C2orf66: variants seen among roughly 807,000 people sequenced by gnomAD.
The protein encoded by C2orf66 is chromosome 2 open reading frame 66.
Under a neutral mutation model 7.0 loss-of-function variants are expected in C2orf66, and 6 were observed. That is an observed-to-expected ratio of 0.86 (90% CI 0.47 to 1.69). C2orf66 has a LOEUF of 1.69. Ranked by LOEUF, C2orf66 falls within the 40% of genes most tolerant of loss-of-function variation. The probability of loss-of-function intolerance (pLI) is 0.01; values close to 1 mark genes in which losing one functional copy is unlikely to be tolerated. For missense variants in C2orf66, 107 were observed against 112.0 expected (o/e 0.96, Z 0.20); for synonymous variants, 38 against 43.8 (o/e 0.87, Z 0.52).
Position 196,807,482 on chromosome 2 carries a change from T to C in C2orf66, c.264A>G (p.Glu88=). 1 of 1,612,032 alleles carries C rather than the reference T, an allele frequency of 6.2e-7. No individual in the cohort carries two copies. Among genetic ancestry groups the C allele is most frequent in the Non-Finnish European group, 8.5e-7 (1 of 1,179,498 alleles). The change falls in exon 2 of 3, where the codon GAA becomes GAG. Residue 88 remains glutamate (E), a synonymous_variant. Coordinates refer to ENST00000342506, the MANE Select transcript of C2orf66 (RefSeq NM_213608.3). ...ELTASASADY[E]EQKNSFHNYL... is the part of the protein sequence containing the mutation. The stretch of plus-strand genomic sequence containing the variant: ...AATTGTGAAAGGAGTTTTTCTGCTC[T>C]TCATAATCTGCAGATGCAGAAGCAG...
At chr2:196,821,928 CTTTTTTTTTTTTTTT>C in the C2orf66 span, among the ~76,000 whole-genome samples, 6 of 32,276 alleles carry the variant, frequency 1.9e-4, no homozygotes, top group East Asian at 1.1e-3. Flanking sequence ...AACCAGTGAG[CTTTTTTTTTTTTTTT>C]TTTTTTTTTT....
At chr2:196,821,543 T>C in the C2orf66 span, among the ~76,000 whole-genome samples, 1 of 152,318 alleles carries the variant, frequency 6.6e-6, no homozygotes, top group East Asian at 1.9e-4. Context: ...TGGATTTGGA[T>C]TGAAATATCT....
At chr2:196,829,138 C>T in the C2orf66 span, among the ~76,000 whole-genome samples, 1 of 151,952 alleles carries the variant, frequency 6.6e-6, no homozygotes, top group Non-Finnish European at 1.5e-5. Flanking sequence ...TCATCTTCAC[C>T]CCCTTTTCCA....
At chr2:196,814,819 A>G in the C2orf66 span, among the ~76,000 whole-genome samples, 1 of 152,218 alleles carries the variant, frequency 6.6e-6, no homozygotes, top group South Asian at 2.1e-4. Context: ...AGAGCTTCTT[A>G]AATTTTTAAG....
At chr2:196,808,980 A>T (rs192001557) in intron 1 of C2orf66, among the ~76,000 whole-genome samples, 89 of 152,338 alleles carry the variant, frequency 5.8e-4, no homozygotes, top group African/African-American at 1.7e-3. Context: ...TGTGTATAAG[A>T]TTGTTTCTAA....
upstream of C2orf66, among the ~76,000 whole-genome samples, chr2:196,811,092 G>T (rs528350959): frequency 6.6e-6 from 1 of 152,288 alleles, no homozygotes; most frequent in African/African-American, 2.4e-5. Context: ...GAAGACAGAG[G>T]GAGAAGTGTG....
chr2:196,804,831 C>A lies in C2orf66; in HGVS notation c.*597G>T, dbSNP rs909347997. ...TGGAGGCGTTGACAACTTCTAGAAT[C>A]CCATGTTTGTTGTTGTTGTTTGCTT... On this transcript the variant is annotated 3_prime_UTR_variant, in exon 3 of 3. Coordinates refer to ENST00000342506, the MANE Select transcript of C2orf66 (RefSeq NM_213608.3). Among the ~76,000 whole-genome samples, 1 of 152,218 alleles carries A rather than the reference C, an allele frequency of 6.6e-6. No homozygotes were observed. The highest frequency in any genetic ancestry group is 2.4e-5 in the African/African-American group (1 of 41,454).
upstream of C2orf66, chr2:196,809,736 T>TA (rs1326633583): frequency 3.6e-5 from 6 of 164,558 alleles, no homozygotes; most frequent in Middle Eastern, 3.0e-3. Flanking sequence ...CAGCAGTCTT[T>TA]AAAAAAAAGA....
chr2:196,812,431 C>G (rs1699885806), upstream of C2orf66, among the ~76,000 whole-genome samples: 1 of 152,224 alleles, frequency 6.6e-6, no homozygotes, highest in South Asian at 2.1e-4. Flanking sequence ...TGGAACGTAT[C>G]TCAAAATAAT....
At chr2:196,826,472 A>G in the C2orf66 span, among the ~76,000 whole-genome samples, 1 of 152,206 alleles carries the variant, frequency 6.6e-6, no homozygotes, top group African/African-American at 2.4e-5. Context: ...ATGGTATTCT[A>G]TAGATTTGTA....
At chr2:196,822,779 T>TTATTTTGC in the C2orf66 span, among the ~76,000 whole-genome samples, 1 of 152,222 alleles carries the variant, frequency 6.6e-6, no homozygotes, top group African/African-American at 2.4e-5. Flanking sequence ...TTCCAGTAAG[T>TTATTTTGC]TATTTTGCTC....
chr2:196,821,385 A>T, the C2orf66 span, among the ~76,000 whole-genome samples: 1 of 152,244 alleles, frequency 6.6e-6, no homozygotes, highest in Non-Finnish European at 1.5e-5. Context: ...CATCAGGCCA[A>T]TCACGGAGGA....
the C2orf66 span, among the ~76,000 whole-genome samples, chr2:196,829,708 T>C: frequency 6.0e-3 from 901 of 150,668 alleles, 7 homozygotes; most frequent in African/African-American, 0.02. Flanking sequence ...CCATCCTGGC[T>C]AACACAGTGA....
At chr2:196,826,962 C>A in the C2orf66 span, among the ~76,000 whole-genome samples, 1 of 151,924 alleles carries the variant, frequency 6.6e-6, no homozygotes. Context: ...ACCCGGTAGA[C>A]GGAGGTTGCA....
upstream of C2orf66, among the ~76,000 whole-genome samples, chr2:196,811,679 T>C (rs374728829): frequency 3.9e-5 from 6 of 152,068 alleles, no homozygotes; most frequent in African/African-American, 1.2e-4. Flanking sequence ...CCTCGTGGGG[T>C]TGGAGAGTAT....
rs777986088 is a variant in C2orf66, at chr2:196,807,571, T to C, written c.175A>G (p.Thr59Ala). Residue 59 changes from threonine to alanine, a missense_variant, in exon 2 of 3, where the codon ACA (threonine) becomes GCA (alanine). Thr to Ala is a moderately conservative substitution (Grantham distance 58, BLOSUM62 0). Transcript: ENST00000342506. ...YFKGRGLDLG[T>A]FPNPFPTNEN... ...TTCGTGGGGAAAGGATTTGGAAATGTTCCAAGATCAAGACCTCTGCCCTTA... is the reference window on the plus strand; with the variant it reads ...TTCGTGGGGAAAGGATTTGGAAATGCTCCAAGATCAAGACCTCTGCCCTTA... 1 of 1,613,868 alleles carries C rather than the reference T, an allele frequency of 6.2e-7. No individual in the cohort carries two copies.
the C2orf66 span, among the ~76,000 whole-genome samples, chr2:196,826,868 TA>T: frequency 1.3e-5 from 2 of 151,706 alleles, no homozygotes. Flanking sequence ...CCATCTCTAA[TA>T]AAAATACAAA....
At chr2:196,812,160 A>G (rs1056805016), upstream of C2orf66, among the ~76,000 whole-genome samples, 1 of 152,220 alleles carries the variant, frequency 6.6e-6, no homozygotes, top group Non-Finnish European at 1.5e-5. Context: ...TTAAATGTCA[A>G]CGGTTAGGTG....
the C2orf66 span, among the ~76,000 whole-genome samples, chr2:196,818,246 A>G: frequency 6.6e-6 from 1 of 152,144 alleles, no homozygotes; most frequent in Admixed American, 6.5e-5. Context: ...TAGGTTGGCC[A>G]TGCTTCCTCC....
Sources: gnomAD v4.1 joint callset for allele counts (sites outside exome capture counted in the v4.1 genomes callset) on GRCh38, gnomAD v4.1.1 for gene constraint, MANE v1.5 for transcripts, NCBI Gene and HGNC (gene_info 2026-07-23, HGNC 2026-07-21) for gene names.